CELSR2: variants seen among roughly 807,000 people sequenced by gnomAD.
CELSR2 encodes cadherin EGF LAG seven-pass G-type receptor 2.
A neutral mutation model predicts 251.6 loss-of-function variants in CELSR2; 81 were observed. The observed-to-expected ratio is 0.32, with a 90% CI of 0.27 to 0.39. CELSR2 has a LOEUF of 0.39. Among genes scored for constraint, CELSR2 ranks in the 10% least tolerant of loss-of-function variants. The pLI is 1.00. For missense variants in CELSR2, 3,365 were observed against 3,947.7 expected (o/e 0.85, Z 3.96); for synonymous variants, 1,721 against 1,670.5 (o/e 1.03, Z -0.74).
chr1:109,266,262 G>C, intron 15 of CELSR2, 56 bp downstream of exon 15: 1 of 1,592,052 alleles, frequency 6.3e-7, no homozygotes, highest in Non-Finnish European at 8.6e-7. Context: ...CTGTTAGTGG[G>C]ATGAGGGCAG....
chr1:109,252,002 T>C lies in CELSR2; in HGVS notation c.1923T>C (p.Ser641=), dbSNP rs760639225. The change falls in exon 1 of 34, where the codon AGT becomes AGC. Residue 641 remains serine, a synonymous_variant. Coordinates refer to ENST00000271332, the MANE Select transcript of CELSR2 (RefSeq NM_001408.3). This position sits in a 1 kb window ranked among gnomAD's most constrained non-coding sequence, Gnocchi z 4.8. ...TVSAVDRDAH[S]VITYQITSGN... ...CAGCTGTGGACCGTGATGCTCATAG[T>C]GTCATCACCTACCAGATCACCAGTG... is the stretch of plus-strand genomic sequence containing the variant. 4.3e-6 allele frequency: 7 copies of C among 1,614,070 alleles called. No homozygotes were observed. The South Asian group carries it at 7.7e-5, about 18-fold the overall frequency.
chr1:109,256,438 T>C (rs1323944919), intron 1 of CELSR2, among the ~76,000 whole-genome samples: 1 of 152,130 alleles, frequency 6.6e-6, no homozygotes, highest in Non-Finnish European at 1.5e-5. Flanking sequence ...ATGGCTGAGA[T>C]GGGGGTCTGC....
chr1:109,250,979 G>A lies in CELSR2; in HGVS notation c.900G>A (p.Glu300=). 1 of 1,613,650 alleles carries A rather than the reference G, an allele frequency of 6.2e-7. No homozygotes were observed. Among genetic ancestry groups the A allele is most frequent in the Non-Finnish European group, 8.5e-7 (1 of 1,179,976 alleles). ...EQQEYKESLR[E]NLEVGYEVLT... Reference sequence around the variant, plus strand: ...AGGAGTACAAGGAGAGCCTCAGGGAGAACCTGGAGGTTGGCTATGAGGTGC... The same window carrying A: ...AGGAGTACAAGGAGAGCCTCAGGGAAAACCTGGAGGTTGGCTATGAGGTGC... The change falls in exon 1 of 34, where the codon GAG becomes GAA. Residue 300 remains glutamate (E), a synonymous_variant. Coordinates refer to ENST00000271332, the MANE Select transcript of CELSR2 (RefSeq NM_001408.3). This position sits in a 1 kb window ranked among gnomAD's most constrained non-coding sequence, Gnocchi z 4.4.
chr1:109,273,865 C>G (rs559801246), intron 33 of CELSR2, 157 bp from the exon 34 acceptor site: 9 of 1,163,724 alleles, frequency 7.7e-6, no homozygotes, highest in East Asian at 4.7e-5. Context: ...CTCCTAGGCT[C>G]TACGCGGCGC....
At chr1:109,263,365 G>A (rs75551809) in intron 8 of CELSR2, 98 bp downstream of exon 8, 16 of 1,477,506 alleles carry the variant, frequency 1.1e-5, no homozygotes, top group Middle Eastern at 2.2e-4. Context: ...TCTGCTGAGC[G>A]GGGCTGTGGG....
In CELSR2 at chr1:109,265,276, G is replaced by C; in HGVS notation, c.5692G>C (p.Asp1898His). The C allele has an allele frequency of 6.2e-7, 1 of 1,612,164 alleles. No individual in the cohort carries two copies. Among genetic ancestry groups the C allele is most frequent in the Non-Finnish European group, 8.5e-7 (1 of 1,179,016 alleles). Residue 1898 changes from aspartate (D) to histidine (H), a missense_variant, in exon 13 of 34, where the codon GAC (aspartate) becomes CAC (histidine). By Grantham distance (81) the Asp-to-His change is moderately conservative (BLOSUM62 -1). Transcript: ENST00000271332. ...TGATGTCAGCAAAGGCTTTGACCCA[G>C]ACTGCAACAAGACAAGCGGCGAGTG... The part of the protein sequence containing the change: ...NCDVSKGFDP[D>H]CNKTSGECHC...
At chr1:109,262,770 C>A in intron 6 of CELSR2, 36 bp from the exon 7 acceptor site, 1 of 1,600,198 alleles carries the variant, frequency 6.2e-7, no homozygotes. Context: ...AAGCTCCCAG[C>A]CCTCCCTTGT....
intron 29 of CELSR2, 61 bp downstream of exon 29, chr1:109,272,466 G>C (rs995855949): frequency 3.8e-6 from 6 of 1,565,676 alleles, no homozygotes; most frequent in Non-Finnish European, 5.2e-6. Context: ...GCTGGACCCA[G>C]GCCAGCCAGC....
intron 15 of CELSR2, among the ~76,000 whole-genome samples, chr1:109,267,109 G>A (rs1656219034): frequency 6.6e-6 from 1 of 152,124 alleles, no homozygotes; most frequent in Non-Finnish European, 1.5e-5. Context: ...GAATCATGCA[G>A]GGTTCCAATC....
rs760959590 is a variant in CELSR2, at chr1:109,252,567, C to G, written c.2488C>G (p.Pro830Ala). 10 of 1,613,914 alleles carry G rather than the reference C, an allele frequency of 6.2e-6. No individual in the cohort carries two copies. The highest frequency in any genetic ancestry group is 8.5e-6 in the Non-Finnish European group (10 of 1,180,032). Residue 830 changes from proline (P) to alanine (A), a missense_variant, in exon 1 of 34, where the codon CCC becomes GCC. Coordinates refer to ENST00000271332, the MANE Select transcript of CELSR2 (RefSeq NM_001408.3). This position sits in a 1 kb window ranked among gnomAD's most constrained non-coding sequence, Gnocchi z 4.8. ...YQGSVYEDVP[P>A]FTSVLQISAT... ...GGGCAGTGTCTATGAGGATGTGCCA[C>G]CCTTCACTAGCGTCCTGCAGATCTC...
At position 109,252,893 on chromosome 1, in the gene CELSR2, A is replaced by C. The variant is rs1453856280; in HGVS notation, c.2814A>C (p.Leu938=). 1 of 1,612,674 alleles carries C rather than the reference A, an allele frequency of 6.2e-7. No homozygotes were observed. Among genetic ancestry groups the C allele is most frequent in the African/African-American group, 1.3e-5 (1 of 74,942 alleles). The change falls in exon 1 of 34, where the codon CTA becomes CTC. Residue 938 remains leucine (L), a synonymous_variant. Transcript: ENST00000271332. This position sits in a 1 kb window ranked among gnomAD's most constrained non-coding sequence, Gnocchi z 4.8. ...TGGAAGAGAACAGCCCCATTGGGCTAGCCGTGGCCCGGGTCACAGCCACTG... is the reference window on the plus strand; with the variant it reads ...TGGAAGAGAACAGCCCCATTGGGCTCGCCGTGGCCCGGGTCACAGCCACTG... ...VFVEENSPIG[L]AVARVTATDP...
chr1:109,259,105 GCCAGC>G, intron 2 of CELSR2, 26 bp downstream of exon 2: 1 of 1,533,106 alleles, frequency 6.5e-7, no homozygotes, highest in Non-Finnish European at 8.7e-7. Flanking sequence ...GGACTCATGG[GCCAGC>G]CCTGGAAGGC....
rs111634368 is a variant in CELSR2, at chr1:109,273,305, C to A, written c.8478C>A (p.Pro2826=). Residue 2826 remains proline, a synonymous_variant, in exon 32 of 34, where the codon CCC becomes CCA. Transcript: ENST00000271332. ...DALSREGSLG[P]LPGSSAQPHK... ...TGTCTCGAGAGGGGTCCCTAGGCCC[C>A]CTTCCAGGCTCTTCTGCCCAGCCTC... is the stretch of plus-strand genomic sequence containing the variant. 6.3e-7 allele frequency: 1 copy of A among 1,598,260 alleles called. No homozygotes were observed. Among genetic ancestry groups the A allele is most frequent in the East Asian group, 2.2e-5 (1 of 44,758 alleles).
intron 8 of CELSR2, 114 bp from the exon 9 acceptor site, chr1:109,263,497 G>A: frequency 1.4e-6 from 2 of 1,466,300 alleles, no homozygotes; most frequent in East Asian, 2.3e-5. Context: ...TGGAGGGCGG[G>A]GCTGATGAGG....
intron 16 of CELSR2, 101 bp downstream of exon 16, chr1:109,267,743 C>G: frequency 6.4e-7 from 1 of 1,553,412 alleles, no homozygotes; most frequent in Non-Finnish European, 8.7e-7. Flanking sequence ...GAATTCCAGC[C>G]TGTGTGTTCC....
rs1265261144 is a variant in CELSR2 at position 109,250,902 on chromosome 1, C to T, written c.823C>T (p.Leu275Phe). ...GMPRRSALATLTILVTDTNDH... is the reference protein window; with the variant it reads ...GMPRRSALATFTILVTDTNDH... ...GCCCCGACGAAGTGCCCTGGCTACACTCACCATCTTGGTTACTGACACCAA... is the reference window on the plus strand; with the variant it reads ...GCCCCGACGAAGTGCCCTGGCTACATTCACCATCTTGGTTACTGACACCAA... The change falls in exon 1 of 34, where the codon CTC becomes TTC. Residue 275 changes from leucine to phenylalanine, a missense_variant. Around this residue, in one of 5 missense-constraint regions of CELSR2, gnomAD observed 704 missense variants for 784.1 expected, o/e 0.90. Transcript: ENST00000271332. This position sits in a 1 kb window ranked among gnomAD's most constrained non-coding sequence, Gnocchi z 4.4. The T allele has an allele frequency of 1.2e-6, 2 of 1,613,996 alleles. No individual in the cohort carries two copies. The highest frequency in any genetic ancestry group is 2.2e-5 in the East Asian group (1 of 44,886).
At position 109,268,676 on chromosome 1, in the gene CELSR2, C is replaced by T. The variant is rs201571707; in HGVS notation, c.6414C>T (p.Leu2138=). The change falls in exon 18 of 34, where the codon CTC becomes CTT. Residue 2138 remains leucine, a synonymous_variant. Transcript: ENST00000271332. ...QQTEGGTAWL[L]QHYEAYASAL... is the part of the protein sequence containing the mutation. ...CAGAGGGTGGCACCGCCTGGCTGCT[C>T]CAGCACTATGAGGCCTACGCCAGTG... 1.9e-6 allele frequency: 3 copies of T among 1,613,940 alleles called. No individual in the cohort carries two copies. Among genetic ancestry groups the T allele is most frequent in the Admixed American group, 1.7e-5 (1 of 59,998 alleles).
At chr1:109,255,504 C>T (rs1039928525) in intron 1 of CELSR2, among the ~76,000 whole-genome samples, 6 of 152,250 alleles carry the variant, frequency 3.9e-5, no homozygotes, top group Non-Finnish European at 7.3e-5. Context: ...TGCTCAGACA[C>T]GCAGCAGCTC....
rs1570789610 is a variant in CELSR2, at chr1:109,267,412, G to GT, written c.6014-133dup. The GT allele has an allele frequency of 2.5e-5, 18 of 716,374 alleles. No homozygotes were observed. In the East Asian group the frequency reaches 4.5e-4, roughly 18 times the overall value. 44.4% of individuals were successfully genotyped at this position (716,374 alleles called of 1,614,324 possible). A position where few individuals can be genotyped will look rare whatever the true frequency, so the allele number is the denominator to read the frequency against. Reference sequence around the variant, plus strand: ...TGGTGTTCTACATACCTGTCTTCCTGTTTCACCAGGGCCCTTGTTTGCTAG... The same window carrying GT: ...TGGTGTTCTACATACCTGTCTTCCTGTTTTCACCAGGGCCCTTGTTTGCTAG... On this transcript the variant is annotated intron_variant, in intron 15 of 33. Coordinates refer to ENST00000271332, the MANE Select transcript of CELSR2 (RefSeq NM_001408.3).
Sources: gnomAD v4.1 joint callset for allele counts (sites outside exome capture counted in the v4.1 genomes callset) on GRCh38, gnomAD v4.1.1 for gene constraint, gnomAD v4.1.1 regional missense constraint, Gnocchi (gnomAD v3.1) non-coding constraint, MANE v1.5 for transcripts, NCBI Gene and HGNC (gene_info 2026-07-23, HGNC 2026-07-21) for gene names.